MAML2: variants seen among roughly 807,000 people sequenced by gnomAD.
MAML2 encodes mastermind like transcriptional coactivator 2.
In MAML2, 22 loss-of-function variants were observed where a neutral mutation model predicts 96.1. The ratio of observed to expected loss-of-function variants is 0.23; its 90% confidence interval spans 0.16 to 0.33. The LOEUF is 0.33. MAML2 is among the 10% of genes least tolerant of loss of function. The pLI is 1.00. For synonymous variants in MAML2, 561 were observed against 521.3 expected (o/e 1.08, Z -1.04); for missense variants, 1,367 against 1,392.4 (o/e 0.98, Z 0.29).
At chr11:96,289,505 A>T (rs888803770) in intron 1 of MAML2, among the ~76,000 whole-genome samples, 6 of 152,204 alleles carry the variant, frequency 3.9e-5, no homozygotes, top group Non-Finnish European at 5.9e-5. Flanking sequence ...CAGATTTTTA[A>T]TGCATCTATA....
intron 1 of MAML2, among the ~76,000 whole-genome samples, chr11:96,330,330 A>G (rs1399519108): frequency 6.6e-6 from 1 of 152,246 alleles, no homozygotes; most frequent in Non-Finnish European, 1.5e-5. Flanking sequence ...ACAAAACTGT[A>G]GGCTATTTCA....
chr11:96,101,517 AAACCT>A (rs2135821966), intron 1 of MAML2, among the ~76,000 whole-genome samples: 2 of 152,346 alleles, frequency 1.3e-5, no homozygotes, highest in South Asian at 4.1e-4. Flanking sequence ...AACTGCCAAT[AAACCT>A]GGGTTCCAAA....
chr11:96,151,881 G>T (rs767398938), intron 1 of MAML2, among the ~76,000 whole-genome samples: 6 of 152,142 alleles, frequency 3.9e-5, no homozygotes, highest in Admixed American at 6.5e-5. Flanking sequence ...TAGGATTTTA[G>T]TTCATAGGTG....
At chr11:96,066,187 A>G (rs1482283617) in intron 2 of MAML2, among the ~76,000 whole-genome samples, 1 of 152,154 alleles carries the variant, frequency 6.6e-6, no homozygotes, top group Non-Finnish European at 1.5e-5. Flanking sequence ...GGCCCTTCCT[A>G]TCACTGCCTA....
intron 4 of MAML2, among the ~76,000 whole-genome samples, chr11:95,982,585 C>G (rs1235291431): frequency 6.6e-6 from 1 of 152,110 alleles, no homozygotes; most frequent in African/African-American, 2.4e-5. Flanking sequence ...ATCCAGCAAG[C>G]CAGCCCTAGA....
chr11:96,292,908 G>GTT (rs1863234861), intron 1 of MAML2, among the ~76,000 whole-genome samples: 2 of 151,638 alleles, frequency 1.3e-5, no homozygotes, highest in Admixed American at 1.3e-4. Flanking sequence ...CCACAAAAGA[G>GTT]GCATATGTAG....
intron 2 of MAML2, among the ~76,000 whole-genome samples, chr11:96,023,403 C>A (rs758908618): frequency 2.0e-5 from 3 of 152,146 alleles, no homozygotes; most frequent in Admixed American, 2.0e-4. Context: ...CCGAGCCCAG[C>A]CTTACCGCCT....
chr11:96,082,232 G>A (rs927602149), intron 2 of MAML2, among the ~76,000 whole-genome samples: 1 of 152,148 alleles, frequency 6.6e-6, no homozygotes, highest in African/African-American at 2.4e-5. Context: ...TGCTTTGTGA[G>A]TTCAGAGAGG....
At chr11:96,325,216 A>C (rs1028215431) in intron 1 of MAML2, among the ~76,000 whole-genome samples, 4 of 152,060 alleles carry the variant, frequency 2.6e-5, no homozygotes. Flanking sequence ...GGGTTTAGCT[A>C]TTCAACTTTG....
chr11:96,000,812 C>T (rs680325), intron 2 of MAML2, among the ~76,000 whole-genome samples: 2,972 of 152,116 alleles, frequency 0.02, 93 homozygotes, highest in African/African-American at 0.068. Context: ...ACACAGATCC[C>T]AAATCTGGGA....
At chr11:96,036,574 A>T (rs570709406) in intron 2 of MAML2, among the ~76,000 whole-genome samples, 1 of 152,284 alleles carries the variant, frequency 6.6e-6, no homozygotes, top group Non-Finnish European at 1.5e-5. Flanking sequence ...GCAAATAGGG[A>T]TACATTGTGA....
At chr11:96,019,417 G>A (rs1858402729) in intron 2 of MAML2, among the ~76,000 whole-genome samples, 1 of 151,982 alleles carries the variant, frequency 6.6e-6, no homozygotes, top group African/African-American at 2.4e-5. Flanking sequence ...GCAACAGGAA[G>A]CTATTAGCTT....
chr11:96,278,752 A>T (rs1246062588), intron 1 of MAML2, among the ~76,000 whole-genome samples: 2 of 152,184 alleles, frequency 1.3e-5, no homozygotes, highest in East Asian at 1.9e-4. Context: ...ATTCAGCAAT[A>T]CCACATCACA....
chr11:96,323,655 A>T (rs1863739257), intron 1 of MAML2, among the ~76,000 whole-genome samples: 1 of 152,222 alleles, frequency 6.6e-6, no homozygotes, highest in Non-Finnish European at 1.5e-5. Flanking sequence ...GCATTCCTTC[A>T]TGGGAATTAA....
chr11:96,229,822 A>G (rs1862266659), intron 1 of MAML2, among the ~76,000 whole-genome samples: 1 of 152,164 alleles, frequency 6.6e-6, no homozygotes, highest in African/African-American at 2.4e-5. Flanking sequence ...TCACTCTCAC[A>G]TAACATTCTG....
rs577264546 is a variant in MAML2 at position 96,153,596 on chromosome 11, G to A, written c.514-60079C>T. Among the ~76,000 whole-genome samples, 10 of 152,224 alleles carry A rather than the reference G, an allele frequency of 6.6e-5. No homozygotes were observed. In the South Asian group the frequency reaches 2.1e-3, roughly 32 times the overall value. ...AAGTGAGGTAGTGGCCTGTGTTTCA[G>A]TTGTCTCATCTATAAGGGAAAGTTA... is the stretch of plus-strand genomic sequence containing the variant. On this transcript the variant is annotated intron_variant, in intron 1 of 4. Transcript: ENST00000524717.
chr11:96,306,077 C>T (rs1591124253), intron 1 of MAML2, among the ~76,000 whole-genome samples: 2 of 148,708 alleles, frequency 1.3e-5, no homozygotes, highest in Middle Eastern at 3.4e-3. Flanking sequence ...TAATTATATA[C>T]ATAACATATA....
chr11:96,191,374 G>T (rs1158116801), intron 1 of MAML2, among the ~76,000 whole-genome samples: 4 of 151,742 alleles, frequency 2.6e-5, no homozygotes, highest in Non-Finnish European at 5.9e-5. Flanking sequence ...TGAGGCAGAA[G>T]AATCGCTTGA....
intron 2 of MAML2, among the ~76,000 whole-genome samples, chr11:95,998,122 A>ATCTGTCTGTCTGTCAGTCAG (rs1341774738): frequency 8.5e-6 from 1 of 117,384 alleles, no homozygotes; most frequent in African/African-American, 3.1e-5. Context: ...TTTTCTATCT[A>ATCTGTCTGTCTGTCAGTCAG]TCTGTCTGTC....
Sources: allele counts gnomAD v4.1 joint callset (sites outside exome capture counted in the v4.1 genomes callset), GRCh38; gene constraint gnomAD v4.1.1; transcripts MANE v1.5; gene names NCBI Gene and HGNC (gene_info 2026-07-23, HGNC 2026-07-21).